The following TRIM24 variants were observed in gnomAD, a reference collection of about 807,000 sequenced individuals.
TRIM24 encodes tripartite motif containing 24, also known as transcription intermediary factor 1-alpha.
A neutral mutation model predicts 123.9 loss-of-function variants in TRIM24; 29 were observed. The observed-to-expected ratio is 0.23, with a 90% CI of 0.17 to 0.32. TRIM24 has a LOEUF of 0.32. TRIM24 is among the 10% of genes least tolerant of loss of function. The probability of loss-of-function intolerance (pLI) is 1.00; values close to 1 mark genes in which losing one functional copy is unlikely to be tolerated. For missense variants in TRIM24, 932 were observed against 1,295.3 expected (o/e 0.72, Z 4.31); for synonymous variants, 456 against 461.1 (o/e 0.99, Z 0.14).
chr7:138,470,056 T>A (rs947844436), intron 1 of TRIM24, among the ~76,000 whole-genome samples: 1 of 151,918 alleles, frequency 6.6e-6, no homozygotes, highest in African/African-American at 2.4e-5. Context: ...TGTACACAGC[T>A]GCCCTAGAGG....
chr7:138,573,903 G>A (rs780475392), intron 12 of TRIM24, among the ~76,000 whole-genome samples: 2 of 152,128 alleles, frequency 1.3e-5, no homozygotes, highest in Non-Finnish European at 2.9e-5. Context: ...GAGCTCAAGC[G>A]ATCTCCCACC....
chr7:138,531,613 A>G (rs1356845136), intron 6 of TRIM24, among the ~76,000 whole-genome samples: 1 of 152,072 alleles, frequency 6.6e-6, no homozygotes, highest in Non-Finnish European at 1.5e-5. Flanking sequence ...AATCCAGTCT[A>G]TCATTGTTGG....
intron 13 of TRIM24, 48 bp downstream of exon 13, chr7:138,576,493 GATTT>G (rs765620632): frequency 7.8e-6 from 12 of 1,546,672 alleles, no homozygotes; most frequent in Middle Eastern, 1.7e-4. Flanking sequence ...TCTCTAATTA[GATTT>G]CTTTTGCCAG....
chr7:138,581,571 T>TTTGTATTCATC, intron 16 of TRIM24, 126 bp from the exon 17 acceptor site: 1 of 725,702 alleles, frequency 1.4e-6, no homozygotes, highest in South Asian at 2.2e-5. Flanking sequence ...CAGTAATTTT[T>TTTGTATTCATC]TTGTATTCAT....
At chr7:138,480,089 G>A (rs537329890) in intron 1 of TRIM24, among the ~76,000 whole-genome samples, 1 of 152,082 alleles carries the variant, frequency 6.6e-6, no homozygotes, top group East Asian at 1.9e-4. Flanking sequence ...AAAGTGCTGG[G>A]ATTACAGGTG....
chr7:138,537,388 T>TTG (rs1796909848), intron 6 of TRIM24, among the ~76,000 whole-genome samples: 1 of 126,528 alleles, frequency 7.9e-6, no homozygotes, highest in Non-Finnish European at 1.7e-5. Context: ...TGTTTTTTTT[T>TTG]TTTTTTTTTT....
chr7:138,508,678 T>TGTGTGTGC (rs1554436587), intron 2 of TRIM24, among the ~76,000 whole-genome samples: 1 of 51,220 alleles, frequency 2.0e-5, no homozygotes, highest in Non-Finnish European at 4.2e-5. Flanking sequence ...TGTGTGTGTG[T>TGTGTGTGC]GTGTGTGTGT....
chr7:138,508,692 T>TGTGCGCGCGCGCGCGCGC (rs1422176564), intron 2 of TRIM24, among the ~76,000 whole-genome samples: 3 of 137,214 alleles, frequency 2.2e-5, no homozygotes, highest in Admixed American at 7.2e-5. Context: ...TGTGTGTGTG[T>TGTGCGCGCGCGCGCGCGC]GCGCGCGCGT....
At chr7:138,578,532 T>TTGTGTG (rs142839380) in intron 14 of TRIM24, among the ~76,000 whole-genome samples, 87 of 146,890 alleles carry the variant, frequency 5.9e-4, no homozygotes, top group East Asian at 3.1e-3. Context: ...GGTGGTGGTT[T>TTGTGTG]TGTGTGTGTG....
intron 17 of TRIM24, among the ~76,000 whole-genome samples, chr7:138,583,313 AAG>A (rs1797942018): frequency 2.6e-5 from 4 of 152,252 alleles, no homozygotes; most frequent in Non-Finnish European, 5.9e-5. Context: ...ATGTGAAGAC[AAG>A]TTTTTTCATT....
chr7:138,501,977 T>C (rs1031727100), intron 1 of TRIM24, among the ~76,000 whole-genome samples: 2 of 152,148 alleles, frequency 1.3e-5, no homozygotes, highest in African/African-American at 2.4e-5. Flanking sequence ...TTTGTTTTTC[T>C]AGTACTGAAA....
intron 7 of TRIM24, among the ~76,000 whole-genome samples, chr7:138,550,244 T>A (rs1000266581): frequency 1.3e-5 from 2 of 151,960 alleles, no homozygotes. Context: ...CCAGGGTAGG[T>A]TGTTTTATCT....
intron 3 of TRIM24, among the ~76,000 whole-genome samples, chr7:138,516,305 A>T (rs1203318642): frequency 6.6e-5 from 10 of 151,996 alleles, no homozygotes; most frequent in Non-Finnish European, 1.3e-4. Context: ...CCGTCTCAAA[A>T]AATAATAATA....
chr7:138,508,692 TGCGC>T (rs60180839), intron 2 of TRIM24, among the ~76,000 whole-genome samples: 4 of 137,278 alleles, frequency 2.9e-5, no homozygotes, highest in African/African-American at 8.2e-5. Flanking sequence ...TGTGTGTGTG[TGCGC>T]GCGCGTGTGT....
chr7:138,542,091 TC>T (rs1432013925), intron 7 of TRIM24, among the ~76,000 whole-genome samples: 7 of 152,238 alleles, frequency 4.6e-5, no homozygotes, highest in Admixed American at 4.6e-4. Context: ...TTTCTTCCTA[TC>T]AGCAATAAGT....
intron 3 of TRIM24, among the ~76,000 whole-genome samples, chr7:138,517,531 G>C (rs1796425905): frequency 6.6e-6 from 1 of 151,916 alleles, no homozygotes; most frequent in African/African-American, 2.4e-5. Context: ...GTACCACCAT[G>C]CCTGGCTAAT....
intron 7 of TRIM24, among the ~76,000 whole-genome samples, chr7:138,539,801 C>CTTT (rs528996607): frequency 2.3e-4 from 30 of 129,624 alleles, no homozygotes; most frequent in African/African-American, 7.5e-4. Context: ...ATTAAGTAAT[C>CTTT]TTTTTTTTTT....
In TRIM24 at chr7:138,584,008, A is replaced by G. The variant is rs776092121; in HGVS notation, c.2943+9A>G. 22 of 1,595,016 alleles carry G rather than the reference A, an allele frequency of 1.4e-5. No homozygotes were observed. In the Admixed American group the frequency reaches 3.5e-4, roughly 25 times the overall value. On this transcript the variant is annotated intron_variant, in intron 18 of 18. Transcript: ENST00000343526. The stretch of plus-strand genomic sequence containing the variant: ...GTGCTGAATTCAATGAGGTGAGGCT[A>G]GGGGAGGGAAGGGGGCAGGAAGGAA...
At position 138,522,251 on chromosome 7, in the gene TRIM24, A is replaced by C. The variant is rs186025865; in HGVS notation, c.764+2930A>C. Among the ~76,000 whole-genome samples, 37 of 151,756 alleles carry C rather than the reference A, an allele frequency of 2.4e-4. No homozygotes were observed. In the East Asian group the frequency reaches 6.4e-3, roughly 26 times the overall value. ...CTCGGGAGGCTTAGGCAGGAGAATC[A>C]CTCGAACCCAGGAGGTGGAGGTTGC... On this transcript the variant is annotated intron_variant, in intron 4 of 18. Transcript: ENST00000343526.
Sources: allele counts gnomAD v4.1 joint callset (sites outside exome capture counted in the v4.1 genomes callset), GRCh38; gene constraint gnomAD v4.1.1; transcripts MANE v1.5; gene names NCBI Gene and HGNC (gene_info 2026-07-23, HGNC 2026-07-21).